LAMB4: variants seen among roughly 807,000 people sequenced by gnomAD.
The protein encoded by LAMB4 is laminin subunit beta-4.
A neutral mutation model predicts 199.2 loss-of-function variants in LAMB4; 196 were observed. The observed-to-expected ratio is 0.98, with a 90% CI of 0.88 to 1.11. The LOEUF is 1.11. Ranked by LOEUF, LAMB4 falls within the 50% of genes least tolerant of loss-of-function variation. LAMB4 has a pLI of 0.00. For missense variants in LAMB4, 2,080 were observed against 2,171.2 expected (o/e 0.96, Z 0.83); for synonymous variants, 744 against 770.6 (o/e 0.97, Z 0.57).
intron 33 of LAMB4, among the ~76,000 whole-genome samples, chr7:108,027,245 A>T (rs558612040): frequency 2.9e-5 from 4 of 138,786 alleles, no homozygotes; most frequent in Non-Finnish European, 3.3e-5. Flanking sequence ...ATGCAAGATT[A>T]AAAAAAAAAT....
chr7:108,095,357 A>C lies in LAMB4; in HGVS notation c.1361-20T>G, dbSNP rs748895305. ...CGCAGGCTGAAAGCACAGCATACAC[A>C]ATTATTCTCATTCTTAATTCCTCCA... On this transcript the variant is annotated intron_variant, in intron 11 of 33. Coordinates refer to ENST00000388781, the MANE Select transcript of LAMB4 (RefSeq NM_007356.3). 6.6e-7 allele frequency: 1 copy of C among 1,526,532 alleles called. No individual in the cohort carries two copies. The highest frequency in any genetic ancestry group is 2.3e-5 in the East Asian group (1 of 44,436). The allele number at this position is 1,526,532 out of a possible 1,614,324, so 94.6% of individuals were successfully genotyped here.
rs746716658 is a variant in LAMB4 at position 108,104,484 on chromosome 7, C to A, written c.991+15G>T. On this transcript the variant is annotated intron_variant, in intron 9 of 33. Coordinates refer to ENST00000388781, the MANE Select transcript of LAMB4 (RefSeq NM_007356.3). ...GAGCACACTCAGTCTATGCAGGGAA[C>A]TGAGTTTCACCCACATCTGCAAGCG... 6.2e-7 allele frequency: 1 copy of A among 1,613,890 alleles called. No individual in the cohort carries two copies. The highest frequency in any genetic ancestry group is 1.3e-5 in the African/African-American group (1 of 74,924).
intron 18 of LAMB4, 146 bp downstream of exon 18, chr7:108,069,562 T>A: frequency 1.5e-6 from 1 of 681,376 alleles, no homozygotes; most frequent in South Asian, 2.0e-5. Context: ...TTCCAACACA[T>A]CAGCAGACCA....
chr7:108,098,067 G>A (rs956737193), intron 11 of LAMB4, among the ~76,000 whole-genome samples: 1 of 152,158 alleles, frequency 6.6e-6, no homozygotes, highest in African/African-American at 2.4e-5. Context: ...GGCAGACAGA[G>A]ACAGCCCCAA....
At chr7:108,012,935 C>A in the LAMB4 span, among the ~76,000 whole-genome samples, 1 of 152,214 alleles carries the variant, frequency 6.6e-6, no homozygotes, top group Non-Finnish European at 1.5e-5. Context: ...GATGGCACTT[C>A]ACATGTGGAG....
At chr7:108,081,574 A>G (rs904959530) in intron 14 of LAMB4, among the ~76,000 whole-genome samples, 4 of 152,338 alleles carry the variant, frequency 2.6e-5, no homozygotes, top group South Asian at 2.1e-4. Context: ...CTGACTTGAC[A>G]TAATTAATGC....
chr7:108,028,336 C>A (rs962218640), intron 33 of LAMB4, among the ~76,000 whole-genome samples: 4 of 152,106 alleles, frequency 2.6e-5, no homozygotes, highest in African/African-American at 9.7e-5. Flanking sequence ...TAGGCAGTTG[C>A]CTTGTGCATT....
intron 10 of LAMB4, among the ~76,000 whole-genome samples, chr7:108,102,629 G>C (rs1006899781): frequency 1.3e-5 from 2 of 152,188 alleles, no homozygotes; most frequent in Non-Finnish European, 2.9e-5. Context: ...CATTTAAGAA[G>C]TTGAGATTCA....
chr7:108,069,857 A>G lies in LAMB4; in HGVS notation c.2153T>C (p.Leu718Ser), dbSNP rs2036472443. 1.9e-6 allele frequency: 3 copies of G among 1,613,338 alleles called. No individual in the cohort carries two copies. Among genetic ancestry groups the G allele is most frequent in the Admixed American group, 1.7e-5 (1 of 59,954 alleles). ...GTCCTGCTTGCTGCAGAAATTCTCC[A>G]ATGAATTGATTTGGGGAATAAGGCC... ...SLGLIPQINSLENFCSKQDLD... is the reference protein window; with the variant it reads ...SLGLIPQINSSENFCSKQDLD... Residue 718 changes from leucine (L) to serine (S), a missense_variant, in exon 18 of 34, where the codon TTG (leucine) becomes TCG (serine). Physicochemically the swap from Leu to Ser is moderately radical, Grantham distance 145. Coordinates refer to ENST00000388781, the MANE Select transcript of LAMB4 (RefSeq NM_007356.3).
At chr7:108,078,393 T>C in intron 15 of LAMB4, 77 bp from the exon 16 acceptor site, 1 of 910,852 alleles carries the variant, frequency 1.1e-6, no homozygotes, top group Non-Finnish European at 1.7e-6. Flanking sequence ...ATATAGCTAA[T>C]GGAAAGTGCA....
At chr7:108,040,614 A>G (rs1201019399) in intron 29 of LAMB4, among the ~76,000 whole-genome samples, 1 of 152,246 alleles carries the variant, frequency 6.6e-6, no homozygotes, top group Non-Finnish European at 1.5e-5. Flanking sequence ...CCACACATCT[A>G]GAACTATCTG....
At chr7:108,013,270 G>A in the LAMB4 span, among the ~76,000 whole-genome samples, 9 of 152,176 alleles carry the variant, frequency 5.9e-5, no homozygotes, top group Non-Finnish European at 1.2e-4. Flanking sequence ...TAGGAATGAC[G>A]GAATAAATGC....
intron 31 of LAMB4, 57 bp from the exon 32 acceptor site, chr7:108,031,036 A>T: frequency 6.7e-7 from 1 of 1,493,862 alleles, no homozygotes; most frequent in Non-Finnish European, 9.2e-7. Context: ...AAACAAGAAG[A>T]TAAACGATAT....
In LAMB4 at chr7:108,062,941, C is replaced by T. The variant is rs1179232144; in HGVS notation, c.3115G>A (p.Gly1039Arg). Residue 1039 changes from glycine (G) to arginine (R), a missense_variant, in exon 23 of 34, where the codon GGA (glycine) becomes AGA (arginine). Coordinates refer to ENST00000388781, the MANE Select transcript of LAMB4 (RefSeq NM_007356.3). ...VSPMECPPGG[G>R]ACLCDPVTGA... Reference sequence around the variant, plus strand: ...GTGACAGGGTCACAGAGGCAAGCTCCCCCACCAGGGGGACACTCCATGGGA... The same window carrying T: ...GTGACAGGGTCACAGAGGCAAGCTCTCCCACCAGGGGGACACTCCATGGGA... 8.7e-6 allele frequency: 14 copies of T among 1,607,176 alleles called. No homozygotes were observed. In the East Asian group the frequency reaches 2.7e-4, roughly 31 times the overall value.
intron 6 of LAMB4, 110 bp from the exon 7 acceptor site, chr7:108,106,682 A>C (rs1325634077): frequency 3.2e-6 from 2 of 627,808 alleles, no homozygotes; most frequent in Non-Finnish European, 5.6e-6. Context: ...TTACCACTTC[A>C]GCCTCCCAAG....
At chr7:108,063,594 G>A (rs1244494709) in intron 22 of LAMB4, among the ~76,000 whole-genome samples, 167 bp downstream of exon 22, 2 of 152,314 alleles carry the variant, frequency 1.3e-5, no homozygotes, top group South Asian at 4.1e-4. Flanking sequence ...TGGTTGCAAT[G>A]CACTAATTTC....
chr7:108,070,119 T>C (rs112762871), intron 17 of LAMB4, among the ~76,000 whole-genome samples: 5,686 of 152,272 alleles, frequency 0.037, 338 homozygotes, highest in African/African-American at 0.13. Flanking sequence ...CTTTCTACTA[T>C]CATATTTTTT....
intron 12 of LAMB4, among the ~76,000 whole-genome samples, chr7:108,092,850 G>C (rs2037461713): frequency 6.6e-6 from 1 of 152,064 alleles, no homozygotes; most frequent in South Asian, 2.1e-4. Flanking sequence ...GCCAGAGTGA[G>C]CTGAGATCGT....
At chr7:108,053,042 C>T (rs2035874596) in intron 25 of LAMB4, among the ~76,000 whole-genome samples, 1 of 152,276 alleles carries the variant, frequency 6.6e-6, no homozygotes, top group Non-Finnish European at 1.5e-5. Flanking sequence ...ATAGACTCTT[C>T]CTTCAGGCTC....
Sources: gnomAD v4.1 joint callset for allele counts (sites outside exome capture counted in the v4.1 genomes callset) on GRCh38, gnomAD v4.1.1 for gene constraint, MANE v1.5 for transcripts, NCBI Gene and HGNC (gene_info 2026-07-23, HGNC 2026-07-21) for gene names.